TERF1: variants seen among roughly 807,000 people sequenced by gnomAD.
The protein encoded by TERF1 is telomeric repeat-binding factor 1.
A neutral mutation model predicts 55.1 loss-of-function variants in TERF1; 20 were observed. That is an observed-to-expected ratio of 0.36 (90% confidence interval 0.26 to 0.53). TERF1 has a LOEUF of 0.53. TERF1 is among the 20% of genes least tolerant of loss of function. The pLI is 0.91. For synonymous variants in TERF1, 168 were observed against 181.2 expected (o/e 0.93, Z 0.59); for missense variants, 439 against 535.7 (o/e 0.82, Z 1.78).
intron 9 of TERF1, among the ~76,000 whole-genome samples, chr8:73,045,305 C>T (rs1545827): frequency 0.37 from 56,905 of 151,956 alleles, 11,568 homozygotes; most frequent in Non-Finnish European, 0.46. Flanking sequence ...TAAATAACCA[C>T]GCAGATGGTC....
rs1239152161 is a variant in TERF1 at position 73,033,051 on chromosome 8, C to A, written c.1039+918C>A. ...CTGAGATTTTTAATATGGATCTAAA[C>A]CTAAATACTTATTGATAAAAATAAT... is the stretch of plus-strand genomic sequence containing the variant. On this transcript the variant is annotated intron_variant, in intron 8 of 9. Transcript: ENST00000276603. 2.3e-5 allele frequency among the ~76,000 whole-genome samples: 3 copies of A among 131,414 alleles called. No individual in the cohort carries two copies. In the Admixed American group the frequency reaches 2.7e-4, roughly 12 times the overall value. The allele number at this position is 131,414 out of a possible 152,430, so 86.2% of individuals were successfully genotyped here.
chr8:73,030,261 G>A (rs1185799697), intron 6 of TERF1, 75 bp from the exon 7 acceptor site: 31 of 908,528 alleles, frequency 3.4e-5, no homozygotes, highest in Non-Finnish European at 4.9e-5. Context: ...AATATGCCTT[G>A]ACTATGTGGA....
intron 7 of TERF1, chr8:73,031,364 G>A (rs1809275095): frequency 6.6e-6 from 1 of 152,246 alleles, no homozygotes; most frequent in Non-Finnish European, 1.5e-5. Context: ...AGGAAGGAGG[G>A]ACAGAGGGGA....
Position 73,016,543 on chromosome 8 carries a change from C to CT in TERF1, c.415+2554dup, listed in dbSNP as rs372776560. On this transcript the variant is annotated intron_variant, in intron 2 of 9. Coordinates refer to ENST00000276603, the MANE Select transcript of TERF1 (RefSeq NM_017489.3). ...AAACTCTTGAGCTCAAGTGATCCTC[C>CT]TGCCTCAGCCTCCTGAGTAGCTAGG... 5.3e-3 allele frequency among the ~76,000 whole-genome samples: 808 copies of CT among 151,978 alleles called. 5 individuals are homozygous for CT. Among genetic ancestry groups the CT allele is most frequent in the African/African-American group, 0.019 (769 of 41,440 alleles).
chr8:73,016,660 T>A (rs1808519661), intron 2 of TERF1, among the ~76,000 whole-genome samples: 1 of 152,050 alleles, frequency 6.6e-6, no homozygotes, highest in African/African-American at 2.4e-5. Flanking sequence ...ACTCCTTGCC[T>A]TAAGTGATCC....
Position 73,037,803 on chromosome 8 carries a change from A to T in TERF1, c.1040-1313A>T, listed in dbSNP as rs1160637063. On this transcript the variant is annotated intron_variant, in intron 8 of 9. Coordinates refer to ENST00000276603, the MANE Select transcript of TERF1 (RefSeq NM_017489.3). The stretch of plus-strand genomic sequence containing the variant: ...ATTATATATAATATATAGTATAATA[A>T]TATATATATTATATATAATATATAG... Among the ~76,000 whole-genome samples the T allele has an allele frequency of 4.1e-5, 4 of 96,532 alleles. No individual in the cohort carries two copies. The East Asian group carries it at 6.9e-4, about 17-fold the overall frequency. The allele number at this position is 96,532 out of a possible 152,430, so 63.3% of individuals were successfully genotyped here.
At chr8:73,011,668 T>G (rs1187255743) in intron 1 of TERF1, 1 of 152,340 alleles carries the variant, frequency 6.6e-6, no homozygotes. Flanking sequence ...CTTGCACTTC[T>G]ATGTCACAGA....
At chr8:73,024,769 G>A (rs1808906758) in intron 4 of TERF1, 53 bp from the exon 5 acceptor site, 5 of 1,270,866 alleles carry the variant, frequency 3.9e-6, no homozygotes, top group Non-Finnish European at 4.3e-6. Context: ...AAAAATCGTT[G>A]TATCTGTAAC....
At chr8:73,045,247 T>C (rs1211047474) in intron 9 of TERF1, among the ~76,000 whole-genome samples, 1 of 152,202 alleles carries the variant, frequency 6.6e-6, no homozygotes, top group Non-Finnish European at 1.5e-5. Context: ...AACCGGGTTT[T>C]TAAAGAAAAT....
Position 73,009,182 on chromosome 8 carries a change from G to A in TERF1, c.296G>A (p.Arg99His), listed in dbSNP as rs1808165022. Residue 99 changes from arginine to histidine, a missense_variant, in exon 1 of 10, where the codon CGC becomes CAC. Arg to His is a conservative substitution (Grantham distance 29, BLOSUM62 0). Around this residue, in one of 4 missense-constraint regions of TERF1, gnomAD observed 179 missense variants for 152.6 expected, o/e 1.17. Transcript: ENST00000276603. ...CGCGACGGCCGCTCCGAGGACTTCC[G>A]CAGGACCCGCAACAGCGCAGAGGGT... The part of the protein sequence containing the change: ...AFRDGRSEDF[R>H]RTRNSAEAII... 2 of 1,610,626 alleles carry A rather than the reference G, an allele frequency of 1.2e-6. No homozygotes were observed. Among genetic ancestry groups the A allele is most frequent in the Non-Finnish European group, 1.7e-6 (2 of 1,179,852 alleles).
In TERF1 at chr8:73,009,345, T is replaced by A. The variant is rs1047299766; in HGVS notation, c.319+140T>A. On this transcript the variant is annotated intron_variant, in intron 1 of 9. Coordinates refer to ENST00000276603, the MANE Select transcript of TERF1 (RefSeq NM_017489.3). ...TAGCTGGGAGTCCGAGGCTCCGGGCTGAACTTTGTTCGAATCCCGGTTCGC... is the reference window on the plus strand; with the variant it reads ...TAGCTGGGAGTCCGAGGCTCCGGGCAGAACTTTGTTCGAATCCCGGTTCGC... The A allele has an allele frequency of 3.8e-6, 3 of 781,810 alleles. No homozygotes were observed. The African/African-American group carries it at 5.3e-5, about 14-fold the overall frequency. The allele number at this position is 781,810 out of a possible 1,614,324, so 48.4% of individuals were successfully genotyped here.
rs1809844966 is a variant in TERF1, at chr8:73,041,832, T to G, written c.1143+2613T>G. Reference sequence around the variant, plus strand: ...ACTCACAAAAGTTTGTGAGTCCCTCTGAAACTGGGCCCTTGGAGTTTTTAA... The same window carrying G: ...ACTCACAAAAGTTTGTGAGTCCCTCGGAAACTGGGCCCTTGGAGTTTTTAA... On this transcript the variant is annotated intron_variant, in intron 9 of 9. Coordinates refer to ENST00000276603, the MANE Select transcript of TERF1 (RefSeq NM_017489.3). 2.6e-5 allele frequency among the ~76,000 whole-genome samples: 4 copies of G among 152,272 alleles called. No individual in the cohort carries two copies. In the South Asian group the frequency reaches 8.3e-4, roughly 32 times the overall value.
At chr8:73,030,665 G>T in intron 7 of TERF1, 1 of 287,828 alleles carries the variant, frequency 3.5e-6, no homozygotes. Context: ...CAGATGTTTA[G>T]TAAACACTTC....
intron 7 of TERF1, 117 bp downstream of exon 7, chr8:73,030,512 C>A: frequency 3.2e-6 from 2 of 630,690 alleles, no homozygotes; most frequent in Non-Finnish European, 5.0e-6. Context: ...TCTCAGGGTC[C>A]TAGTTAGCCC....
intron 9 of TERF1, among the ~76,000 whole-genome samples, chr8:73,040,630 T>C (rs1181591319): frequency 6.6e-6 from 1 of 152,174 alleles, no homozygotes; most frequent in Non-Finnish European, 1.5e-5. Context: ...CCTGAATCTG[T>C]AGTTTGGTGT....
chr8:73,046,561 T>C lies in TERF1; in HGVS notation c.*424T>C, dbSNP rs1433385078. 2.6e-5 allele frequency: 4 copies of C among 152,386 alleles called. No homozygotes were observed. Among genetic ancestry groups the C allele is most frequent in the African/African-American group, 7.2e-5 (3 of 41,420 alleles). The allele number at this position is 152,386 out of a possible 1,614,324, so 9.4% of individuals were successfully genotyped here. A position where few individuals can be genotyped will look rare whatever the true frequency, so the allele number is the denominator to read the frequency against. On this transcript the variant is annotated 3_prime_UTR_variant, in exon 10 of 10. Transcript: ENST00000276603. ...CCCAGGCTGGAGTGCAGTGGCGCAA[T>C]TTCAGCTCACTGCAACCTCTGCCTC...
chr8:73,018,915 A>G (rs1207141657), intron 2 of TERF1: 1 of 152,198 alleles, frequency 6.6e-6, no homozygotes, highest in Non-Finnish European at 1.5e-5. Flanking sequence ...CAAGGCATTA[A>G]AAAATGAATA....
At chr8:73,020,658 A>G in intron 2 of TERF1, 26 bp from the exon 3 acceptor site, 3 of 1,569,758 alleles carry the variant, frequency 1.9e-6, no homozygotes, top group Non-Finnish European at 2.6e-6. Flanking sequence ...TTTCTGAGTT[A>G]CTTATTTTTG....
intron 8 of TERF1, chr8:73,038,682 A>C: frequency 1.4e-6 from 1 of 697,360 alleles, no homozygotes; most frequent in Non-Finnish European, 1.8e-6. Flanking sequence ...ATTTTTCAGT[A>C]ATTACAGTTC....
Sources: allele counts gnomAD v4.1 joint callset (sites outside exome capture counted in the v4.1 genomes callset), GRCh38; gene constraint gnomAD v4.1.1; regional missense constraint gnomAD v4.1.1; transcripts MANE v1.5; gene names NCBI Gene and HGNC (gene_info 2026-07-23, HGNC 2026-07-21).